Variants in RBFOX1 observed in about 807,000 individuals in gnomAD.
RBFOX1 encodes the protein RNA binding protein fox-1 homolog 1.
RBFOX1 carries 8 observed loss-of-function variants against 57.7 expected under a neutral mutation model. The observed-to-expected ratio is 0.14, with a 90% CI of 0.08 to 0.25. The LOEUF is 0.25. RBFOX1 is among the 10% of genes least tolerant of loss of function. The pLI is 1.00. For synonymous variants in RBFOX1, 326 were observed against 222.4 expected (o/e 1.47, Z -4.15); for missense variants, 611 against 548.5 (o/e 1.11, Z -1.14).
intron 4 of RBFOX1, among the ~76,000 whole-genome samples, chr16:7,304,882 G>T (rs79274317): frequency 1.3e-5 from 2 of 151,602 alleles, no homozygotes; most frequent in East Asian, 2.0e-4. Context: ...ATTTAATAGA[G>T]AGTGGAAAGG....
At chr16:7,231,392 G>A (rs1187992122) in intron 4 of RBFOX1, among the ~76,000 whole-genome samples, 1 of 152,144 alleles carries the variant, frequency 6.6e-6, no homozygotes, top group Non-Finnish European at 1.5e-5. Context: ...TGATGAGGGA[G>A]TATAGCTGTG....
chr16:6,991,632 G>A (rs949856687), intron 3 of RBFOX1, among the ~76,000 whole-genome samples: 1 of 152,006 alleles, frequency 6.6e-6, no homozygotes, highest in African/African-American at 2.4e-5. Context: ...CACCTCCCAG[G>A]CTCAAGCCAT....
At chr16:6,860,761 A>G (rs1251514593) in intron 3 of RBFOX1, among the ~76,000 whole-genome samples, 12 of 152,226 alleles carry the variant, frequency 7.9e-5, no homozygotes, top group African/African-American at 2.9e-4. Context: ...TGAAAACCAT[A>G]ATGTTGAACA....
At chr16:7,279,345 A>G (rs182831763) in intron 4 of RBFOX1, among the ~76,000 whole-genome samples, 1 of 151,888 alleles carries the variant, frequency 6.6e-6, no homozygotes, top group African/African-American at 2.4e-5. Context: ...AGTTAATGAT[A>G]TTTTCTGCTT....
At chr16:5,869,698 C>G (rs894472314) in intron 4 of RBFOX1, among the ~76,000 whole-genome samples, 1 of 152,124 alleles carries the variant, frequency 6.6e-6, no homozygotes, top group Non-Finnish European at 1.5e-5. Flanking sequence ...CCACCGCGCC[C>G]GGCTGTTCAC....
At chr16:7,509,461 T>A (rs2074404262) in intron 4 of RBFOX1, among the ~76,000 whole-genome samples, 1 of 151,542 alleles carries the variant, frequency 6.6e-6, no homozygotes, top group African/African-American at 2.4e-5. Context: ...TGGTTTTTGG[T>A]GATGTGATTT....
At chr16:7,270,405 AC>A (rs1475973335) in intron 4 of RBFOX1, among the ~76,000 whole-genome samples, 2 of 152,228 alleles carry the variant, frequency 1.3e-5, no homozygotes, top group African/African-American at 2.4e-5. Context: ...AGTAAAAAAA[AC>A]ATCTAACAAT....
At chr16:5,382,355 G>A (rs2066151750) in intron 1 of RBFOX1, among the ~76,000 whole-genome samples, 1 of 150,076 alleles carries the variant, frequency 6.7e-6, no homozygotes, top group African/African-American at 2.4e-5. Context: ...ATTACCACTT[G>A]TTTGCATTTA....
chr16:7,171,424 G>C (rs1371140105), intron 4 of RBFOX1, among the ~76,000 whole-genome samples: 1 of 152,152 alleles, frequency 6.6e-6, no homozygotes, highest in Non-Finnish European at 1.5e-5. Context: ...TCCCTGTTTT[G>C]TATGTTCCCT....
intron 4 of RBFOX1, among the ~76,000 whole-genome samples, chr16:7,248,200 T>A (rs1294164562): frequency 6.6e-6 from 1 of 152,192 alleles, no homozygotes; most frequent in Non-Finnish European, 1.5e-5. Flanking sequence ...AGCTCTCTGA[T>A]AGGGTCCCTG....
Position 5,856,257 on chromosome 16 carries a change from A to G in RBFOX1, c.319-11046A>G, listed in dbSNP as rs1222841812. On this transcript the variant is annotated intron_variant, in intron 3 of 19. Transcript: ENST00000641259. ...TATATATGTGTATATATATGTATAT[A>G]TATGTATATATATATACACATATAT... is the stretch of plus-strand genomic sequence containing the variant. 7.9e-5 allele frequency among the ~76,000 whole-genome samples: 3 copies of G among 38,080 alleles called. 1 individual carries two copies. The highest frequency in any genetic ancestry group is 4.1e-4 in the Admixed American group (1 of 2,412). 25.0% of individuals were successfully genotyped at this position (38,080 alleles called of 152,430 possible).
At chr16:6,738,209 A>C (rs905952446) in intron 3 of RBFOX1, among the ~76,000 whole-genome samples, 3 of 152,176 alleles carry the variant, frequency 2.0e-5, no homozygotes, top group Admixed American at 2.0e-4. Flanking sequence ...AACACTGTAC[A>C]TCAAATAGTA....
At chr16:6,539,353 T>C (rs77243678) in intron 2 of RBFOX1, among the ~76,000 whole-genome samples, 4,134 of 152,234 alleles carry the variant, frequency 0.027, 169 homozygotes, top group South Asian at 0.073. Context: ...TTAAATAAGA[T>C]AATGCAGGAA....
chr16:6,219,958 G>A (rs947721340), intron 1 of RBFOX1, among the ~76,000 whole-genome samples: 2 of 152,202 alleles, frequency 1.3e-5, no homozygotes, highest in African/African-American at 2.4e-5. Context: ...TAGCACAAAT[G>A]TAACATAAGT....
intron 2 of RBFOX1, among the ~76,000 whole-genome samples, chr16:5,594,805 T>A (rs954370805): frequency 1.3e-5 from 2 of 152,032 alleles, no homozygotes; most frequent in Admixed American, 1.3e-4. Flanking sequence ...AGATTTATTT[T>A]ACTTTTACAT....
chr16:6,931,340 T>TACAC (rs1555640313), intron 3 of RBFOX1, among the ~76,000 whole-genome samples: 3,060 of 106,622 alleles, frequency 0.029, 107 homozygotes, highest in African/African-American at 0.091. Context: ...TATCTATCTC[T>TACAC]ACACACACAC....
intron 2 of RBFOX1, among the ~76,000 whole-genome samples, chr16:6,567,443 A>C (rs988125787): frequency 5.3e-5 from 8 of 151,732 alleles, no homozygotes; most frequent in African/African-American, 1.7e-4. Flanking sequence ...ATGATTCAGG[A>C]CTCTTCTCAA....
At chr16:5,956,726 T>C (rs2059651262) in intron 4 of RBFOX1, among the ~76,000 whole-genome samples, 1 of 144,428 alleles carries the variant, frequency 6.9e-6, no homozygotes, top group African/African-American at 2.5e-5. Flanking sequence ...TGGAGTGCAC[T>C]GGCACAATCA....
intron 2 of RBFOX1, among the ~76,000 whole-genome samples, chr16:5,535,077 A>G (rs1597432947): frequency 6.6e-6 from 1 of 152,328 alleles, no homozygotes; most frequent in East Asian, 1.9e-4. Flanking sequence ...GAGATAAAAA[A>G]TGTTATAGAG....
Sources: allele counts gnomAD v4.1 joint callset (sites outside exome capture counted in the v4.1 genomes callset), GRCh38; gene constraint gnomAD v4.1.1; transcripts MANE v1.5; gene names NCBI Gene and HGNC (gene_info 2026-07-23, HGNC 2026-07-21).